Variants in PHC3 observed in about 807,000 individuals in gnomAD.
The protein encoded by PHC3 is polyhomeotic-like protein 3.
A neutral mutation model predicts 107.4 loss-of-function variants in PHC3; 13 were observed. The observed-to-expected ratio is 0.12, with a 90% CI of 0.08 to 0.19. The LOEUF (loss-of-function observed/expected upper bound fraction) is 0.19. Among genes scored for constraint, PHC3 ranks in the 10% least tolerant of loss-of-function variants. The probability of loss-of-function intolerance (pLI) is 1.00; values close to 1 mark genes in which losing one functional copy is unlikely to be tolerated. For missense variants in PHC3, 992 were observed against 1,210.9 expected (o/e 0.82, Z 2.68); for synonymous variants, 456 against 427.4 (o/e 1.07, Z -0.83).
Position 170,102,874 on chromosome 3 carries a change from A to G in PHC3, c.2529T>C (p.Asn843=). The G allele has an allele frequency of 6.2e-7, 1 of 1,613,794 alleles. No individual in the cohort carries two copies. The highest frequency in any genetic ancestry group is 8.5e-7 in the Non-Finnish European group (1 of 1,179,778). Residue 843 remains asparagine (N), a synonymous_variant, in exon 13 of 15, where the codon AAT becomes AAC. Transcript: ENST00000495893. ...ALSRWNRKPD[N]QSLGHRGRRP... is the part of the protein sequence containing the mutation. ...GACGGCCACGATGCCCAAGACTTTG[A>G]TTATCAGGCTTACGATTCCAACGAC...
intron 14 of PHC3, among the ~76,000 whole-genome samples, chr3:170,101,721 G>A (rs1715510008): frequency 1.3e-5 from 2 of 152,138 alleles, no homozygotes; most frequent in South Asian, 2.1e-4. Flanking sequence ...ATGAGCAAAG[G>A]TGCAGCTGTC....
intron 4 of PHC3, among the ~76,000 whole-genome samples, chr3:170,159,668 C>T (rs552022676): frequency 7.2e-5 from 11 of 152,246 alleles, no homozygotes; most frequent in African/African-American, 2.6e-4. Flanking sequence ...CCTAGTTTCA[C>T]ACTAAGAGGG....
Position 170,113,480 on chromosome 3 carries a change from T to C in PHC3, c.2233A>G (p.Lys745Glu), listed in dbSNP as rs73181210. 6.4e-3 allele frequency: 10,295 copies of C among 1,612,366 alleles called. 57 individuals are homozygous for C. Among genetic ancestry groups the C allele is most frequent in the Non-Finnish European group, 6.8e-3 (7,964 of 1,179,128 alleles). Residue 745 changes from lysine to glutamate, a missense_variant, in exon 11 of 15, where the codon AAA becomes GAA. Transcript: ENST00000495893. Reference sequence around the variant, plus strand: ...ACCTGATTATCCAAAAGAGGCCGTTTTTTCACAGGCTGTTCTATTAGCAAA... The same window carrying C: ...ACCTGATTATCCAAAAGAGGCCGTTCTTTCACAGGCTGTTCTATTAGCAAA... ...SSLLIEQPVK[K>E]RPLLDNQVIN...
Position 170,149,122 on chromosome 3 carries a change from C to T in PHC3, c.537G>A (p.Thr179=), listed in dbSNP as rs1725484414. The T allele has an allele frequency of 1.9e-6, 3 of 1,613,120 alleles. No individual in the cohort carries two copies. Among genetic ancestry groups the T allele is most frequent in the East Asian group, 2.2e-5 (1 of 44,884 alleles). The part of the protein sequence containing the change: ...MLLGSTSPTL[T]ASQAQMYLRA... ...GGAGATACATTTGAGCTTGGCTTGCCGTTAGGGTAGGGGAAGTACTCCCTA... is the reference window on the plus strand; with the variant it reads ...GGAGATACATTTGAGCTTGGCTTGCTGTTAGGGTAGGGGAAGTACTCCCTA... Residue 179 remains threonine (T), a synonymous_variant, in exon 5 of 15, where the codon ACG becomes ACA. Transcript: ENST00000495893.
At chr3:170,142,815 T>G (rs758152730) in intron 6 of PHC3, among the ~76,000 whole-genome samples, 1 of 152,110 alleles carries the variant, frequency 6.6e-6, no homozygotes, top group African/African-American at 2.4e-5. Context: ...AAATTTAAAA[T>G]GTTCTGGAAG....
Position 170,149,177 on chromosome 3 carries a change from C to T in PHC3, c.482G>A (p.Ser161Asn). The T allele has an allele frequency of 6.2e-7, 1 of 1,613,148 alleles. No individual in the cohort carries two copies. ...CATAGTCTGTTGGGTAATACTGCCG[C>T]TGGTAGAACTGGAAGCCTGGGAACG... ...ISRSQASSST[S>N]GSITQQTMLL... The change falls in exon 5 of 15, where the codon AGC becomes AAC. Residue 161 changes from serine (S) to asparagine (N), a missense_variant. By Grantham distance (46) the Ser-to-Asn change is conservative (BLOSUM62 1). This residue lies in a region of PHC3 where 35 missense variants were observed against 73.6 expected (regional missense o/e 0.48). Transcript: ENST00000495893.
chr3:170,128,347 G>C (rs1309538390), intron 8 of PHC3: 13 of 1,289,650 alleles, frequency 1.0e-5, no homozygotes, highest in South Asian at 1.3e-5. Context: ...CACCTTAAGA[G>C]AAAAAACTTT....
At position 170,097,720 on chromosome 3, in the gene PHC3, T is replaced by G. The variant is rs535951090; in HGVS notation, c.2834-336A>C. 4.6e-5 allele frequency among the ~76,000 whole-genome samples: 7 copies of G among 152,312 alleles called. No individual in the cohort carries two copies. The highest frequency in any genetic ancestry group is 1.7e-4 in the African/African-American group (7 of 41,574). On this transcript the variant is annotated intron_variant, in intron 14 of 14. Coordinates refer to ENST00000495893, the MANE Select transcript of PHC3 (RefSeq NM_024947.4). The surrounding 1 kb of genome is among the most constrained non-coding windows in gnomAD (Gnocchi z 4.1). ...CCTCAAAGCATGCCACATAACAGGT[T>G]TGGGTTAACTAGTTATACCTCATGC...
intron 4 of PHC3, among the ~76,000 whole-genome samples, chr3:170,163,163 T>C (rs551059811): frequency 6.6e-6 from 1 of 152,258 alleles, no homozygotes; most frequent in Non-Finnish European, 1.5e-5. Context: ...CGATAAATAT[T>C]TGATGACTGA....
intron 4 of PHC3, chr3:170,149,836 T>A (rs1205994619): frequency 6.6e-6 from 1 of 152,152 alleles, no homozygotes; most frequent in Non-Finnish European, 1.5e-5. Flanking sequence ...CTCCTAAAAA[T>A]TAGGGCCAGT....
intron 9 of PHC3, among the ~76,000 whole-genome samples, chr3:170,118,578 A>G (rs559263139): frequency 2.0e-4 from 30 of 151,832 alleles, no homozygotes; most frequent in Non-Finnish European, 1.9e-4. Flanking sequence ...TGCCTGGATA[A>G]TTTTTTGTAT....
At chr3:170,150,102 G>T (rs1328210880) in intron 4 of PHC3, among the ~76,000 whole-genome samples, 1 of 152,048 alleles carries the variant, frequency 6.6e-6, no homozygotes, top group African/African-American at 2.4e-5. Context: ...GTTATTATGT[G>T]TCAGTTAAAA....
At chr3:170,179,603 T>C (rs1008467896) in intron 1 of PHC3, among the ~76,000 whole-genome samples, 1 of 152,182 alleles carries the variant, frequency 6.6e-6, no homozygotes, top group Non-Finnish European at 1.5e-5. Context: ...TCCCATACCC[T>C]TACAAAATCT....
intron 12 of PHC3, among the ~76,000 whole-genome samples, chr3:170,106,211 C>T (rs1177788899): frequency 2.0e-5 from 3 of 151,914 alleles, no homozygotes; most frequent in Middle Eastern, 6.3e-3. Context: ...GACTCTATAT[C>T]CAAAAACAAA....
rs1728081804 is a variant in PHC3, at chr3:170,162,700, C to A, written c.414+8673G>T. Reference sequence around the variant, plus strand: ...CTACTCTCAAAAACCAATTTGAGATCATGTCACTTCCATACCAGAACAGCT... The same window carrying A: ...CTACTCTCAAAAACCAATTTGAGATAATGTCACTTCCATACCAGAACAGCT... On this transcript the variant is annotated intron_variant, in intron 4 of 14. Transcript: ENST00000495893. 7.2e-5 allele frequency among the ~76,000 whole-genome samples: 11 copies of A among 152,268 alleles called. No individual in the cohort carries two copies. The South Asian group carries it at 2.3e-3, about 32-fold the overall frequency.
intron 6 of PHC3, among the ~76,000 whole-genome samples, chr3:170,142,614 T>G (rs1577135741): frequency 6.6e-6 from 1 of 152,336 alleles, no homozygotes. Context: ...AGTAGGAGCT[T>G]AAGTCCACAC....
chr3:170,126,966 T>C (rs1721416270), intron 8 of PHC3, among the ~76,000 whole-genome samples: 1 of 152,128 alleles, frequency 6.6e-6, no homozygotes, highest in African/African-American at 2.4e-5. Flanking sequence ...TTTTTTCTTT[T>C]CTATTATGCC....
At chr3:170,128,305 C>T (rs968874210) in intron 8 of PHC3, 1 of 1,196,132 alleles carries the variant, frequency 8.4e-7, no homozygotes, top group African/African-American at 1.6e-5. Flanking sequence ...TGAGAACATA[C>T]AAGCCAACAG....
chr3:170,111,526 A>G (rs1315575566), intron 11 of PHC3, among the ~76,000 whole-genome samples: 2 of 152,154 alleles, frequency 1.3e-5, no homozygotes, highest in African/African-American at 4.8e-5. Flanking sequence ...GAATGAAGCT[A>G]CTGTGGCAAA....
Sources: gnomAD v4.1 joint callset for allele counts (sites outside exome capture counted in the v4.1 genomes callset) on GRCh38, gnomAD v4.1.1 for gene constraint, gnomAD v4.1.1 regional missense constraint, Gnocchi (gnomAD v3.1) non-coding constraint, MANE v1.5 for transcripts, NCBI Gene and HGNC (gene_info 2026-07-23, HGNC 2026-07-21) for gene names.